The following SOCS5 variants were observed in gnomAD, a reference collection of about 807,000 sequenced individuals.
SOCS5 encodes suppressor of cytokine signaling 5, also known as CIS-6.
A neutral mutation model predicts 42.8 loss-of-function variants in SOCS5; 32 were observed. The observed-to-expected ratio is 0.75, with a 90% CI of 0.56 to 1.01. The LOEUF (loss-of-function observed/expected upper bound fraction) is 1.01, where lower values mean the gene tolerates loss of function less well. Ranked by LOEUF, SOCS5 falls within the 50% of genes least tolerant of loss-of-function variation. The pLI is 0.00. For synonymous variants in SOCS5, 283 were observed against 229.6 expected, an observed-to-expected ratio of 1.23 and a Z score of -2.10; for missense variants, 627 against 653.0, an observed-to-expected ratio of 0.96 and a Z score of 0.43.
chr2:46,725,703 A>G (rs1243260837), intron 1 of SOCS5, among the ~76,000 whole-genome samples: 1 of 151,904 alleles, frequency 6.6e-6, no homozygotes, highest in Non-Finnish European at 1.5e-5. Context: ...CATTCATTGG[A>G]TGGTTACCAT....
intron 1 of SOCS5, among the ~76,000 whole-genome samples, chr2:46,714,477 T>C (rs1672696179): frequency 6.6e-6 from 1 of 152,250 alleles, no homozygotes; most frequent in Admixed American, 6.5e-5. Flanking sequence ...TTACATGATA[T>C]ATCTTTTTCA....
chr2:46,733,211 C>T (rs1218859535), intron 1 of SOCS5, among the ~76,000 whole-genome samples: 1 of 152,144 alleles, frequency 6.6e-6, no homozygotes. Context: ...GCTCCTGTCT[C>T]AGCATCCTGA....
chr2:46,719,074 A>G (rs536207354), intron 1 of SOCS5, among the ~76,000 whole-genome samples: 1 of 152,212 alleles, frequency 6.6e-6, no homozygotes, highest in Non-Finnish European at 1.5e-5. Context: ...AAATACCATA[A>G]AACTATTACA....
chr2:46,742,000 C>T (rs1673389532), intron 1 of SOCS5, among the ~76,000 whole-genome samples: 1 of 152,126 alleles, frequency 6.6e-6, no homozygotes, highest in Non-Finnish European at 1.5e-5. Context: ...TCTATGTTCT[C>T]ACATTAGTGT....
intron 1 of SOCS5, among the ~76,000 whole-genome samples, chr2:46,745,294 C>T (rs1330935827): frequency 6.6e-6 from 1 of 152,074 alleles, no homozygotes; most frequent in African/African-American, 2.4e-5. Flanking sequence ...ATGACTATAC[C>T]TTAAACTGTG....
At chr2:46,735,126 C>G (rs1673214423) in intron 1 of SOCS5, among the ~76,000 whole-genome samples, 5 of 152,078 alleles carry the variant, frequency 3.3e-5, no homozygotes, top group Admixed American at 2.6e-4. Context: ...ACAGAGACTT[C>G]AAAATAAGGA....
chr2:46,710,629 G>A (rs1011281784), intron 1 of SOCS5, among the ~76,000 whole-genome samples: 1 of 152,024 alleles, frequency 6.6e-6, no homozygotes, highest in Non-Finnish European at 1.5e-5. Flanking sequence ...CTGATAAAGG[G>A]CATCTATTAA....
chr2:46,722,461 C>T lies in SOCS5; in HGVS notation c.-13+23012C>T, dbSNP rs111598116. Among the ~76,000 whole-genome samples, 71 of 152,242 alleles carry T rather than the reference C, an allele frequency of 4.7e-4. 2 individuals carry two copies. The highest frequency in any genetic ancestry group is 1.7e-3 in the African/African-American group (70 of 41,564). On this transcript the variant is annotated intron_variant, in intron 1 of 1. Coordinates refer to ENST00000394861, the MANE Select transcript of SOCS5 (RefSeq NM_144949.3). ...TATATTCAAGCTGGCTTCTTTTATT[C>T]ATCGTAATGTCTTTGAAAATCAGCC...
chr2:46,733,440 G>C (rs1300620675), intron 1 of SOCS5, among the ~76,000 whole-genome samples: 1 of 152,016 alleles, frequency 6.6e-6, no homozygotes, highest in Non-Finnish European at 1.5e-5. Context: ...TGGGTGTGGG[G>C]CCCATGCCTG....
intron 1 of SOCS5, among the ~76,000 whole-genome samples, chr2:46,758,278 C>G (rs1361141465): frequency 6.6e-6 from 1 of 152,190 alleles, no homozygotes; most frequent in South Asian, 2.1e-4. Flanking sequence ...TCAGAATATT[C>G]TGCCTGAAAG....
chr2:46,757,865 C>CA (rs527705668), intron 1 of SOCS5, among the ~76,000 whole-genome samples: 339 of 149,358 alleles, frequency 2.3e-3, no homozygotes, highest in African/African-American at 7.5e-3. Context: ...GACTCCGTCT[C>CA]AAAAAAAAAG....
chr2:46,735,204 C>T (rs1673217147), intron 1 of SOCS5, among the ~76,000 whole-genome samples: 1 of 152,204 alleles, frequency 6.6e-6, no homozygotes, highest in Non-Finnish European at 1.5e-5. Flanking sequence ...AAAATGACAG[C>T]TCTGCTCCAC....
rs1223401718 is a variant in SOCS5, at chr2:46,762,270, G to C, written c.*2129G>C. 1 of 166,556 alleles carries C rather than the reference G, an allele frequency of 6.0e-6. No homozygotes were observed. The highest frequency in any genetic ancestry group is 1.9e-4 in the East Asian group (1 of 5,198). 10.3% of individuals were successfully genotyped at this position (166,556 alleles called of 1,614,324 possible). A position where few individuals can be genotyped will look rare whatever the true frequency, so the allele number is the denominator to read the frequency against. On this transcript the variant is annotated 3_prime_UTR_variant, in exon 2 of 2. Coordinates refer to ENST00000394861, the MANE Select transcript of SOCS5 (RefSeq NM_144949.3). ...CTAATTGTTGGGTCTTTTTTCTTGAGCTTATAATGTACCTGGAAAATAAAC... is the reference window on the plus strand; with the variant it reads ...CTAATTGTTGGGTCTTTTTTCTTGACCTTATAATGTACCTGGAAAATAAAC...
At chr2:46,727,783 C>A (rs749620085) in intron 1 of SOCS5, among the ~76,000 whole-genome samples, 1 of 152,204 alleles carries the variant, frequency 6.6e-6, no homozygotes, top group Non-Finnish European at 1.5e-5. Context: ...TATGGATTCA[C>A]TTTGCTGTGA....
At chr2:46,734,467 A>G (rs1249004071) in intron 1 of SOCS5, among the ~76,000 whole-genome samples, 1 of 152,176 alleles carries the variant, frequency 6.6e-6, no homozygotes, top group Non-Finnish European at 1.5e-5. Context: ...ATAGATGGTT[A>G]CAGTTATACA....
chr2:46,705,709 C>T (rs941848360), intron 1 of SOCS5, among the ~76,000 whole-genome samples: 1 of 152,210 alleles, frequency 6.6e-6, no homozygotes, highest in African/African-American at 2.4e-5. Flanking sequence ...TACATGAGAA[C>T]AGCAGTCCAA....
chr2:46,721,906 T>C (rs1441563291), intron 1 of SOCS5, among the ~76,000 whole-genome samples: 4 of 152,028 alleles, frequency 2.6e-5, no homozygotes, highest in African/African-American at 4.8e-5. Context: ...TCAGAGGGAA[T>C]TAGGTGAAAA....
At chr2:46,737,666 A>C (rs1457327030) in intron 1 of SOCS5, among the ~76,000 whole-genome samples, 1 of 152,198 alleles carries the variant, frequency 6.6e-6, no homozygotes, top group Non-Finnish European at 1.5e-5. Context: ...TTTACATAGA[A>C]TACATATCAG....
In SOCS5 at chr2:46,704,360, T is replaced by C. The variant is rs567769849; in HGVS notation, c.-13+4911T>C. ...TGGAAGCTTATTTAAATAATAGATA[T>C]AGGGAAAATGGAACAATGAGAACTC... is the stretch of plus-strand genomic sequence containing the variant. On this transcript the variant is annotated intron_variant, in intron 1 of 1. Coordinates refer to ENST00000394861, the MANE Select transcript of SOCS5 (RefSeq NM_144949.3). 3.3e-5 allele frequency among the ~76,000 whole-genome samples: 5 copies of C among 152,206 alleles called. No homozygotes were observed. The South Asian group carries it at 1.0e-3, about 32-fold the overall frequency.
Sources: gnomAD v4.1 joint callset for allele counts (sites outside exome capture counted in the v4.1 genomes callset) on GRCh38, gnomAD v4.1.1 for gene constraint, MANE v1.5 for transcripts, NCBI Gene and HGNC (gene_info 2026-07-23, HGNC 2026-07-21) for gene names.